SLC35F1: variants seen among roughly 807,000 people sequenced by gnomAD.
SLC35F1 encodes the protein chromosome 6 open reading frame 169.
In SLC35F1, 14 loss-of-function variants were observed where a neutral mutation model predicts 48.7. The observed-to-expected ratio is 0.29, with a 90% CI of 0.19 to 0.45. The LOEUF (loss-of-function observed/expected upper bound fraction) is 0.45. Among genes scored for constraint, SLC35F1 ranks in the 20% least tolerant of loss-of-function variants. The pLI is 1.00. For synonymous variants in SLC35F1, 190 were observed against 202.2 expected (o/e 0.94, Z 0.51); for missense variants, 404 against 500.0 (o/e 0.81, Z 1.83).
chr6:118,264,933 TACAATCCTACCTGCC>T (rs1335002402), intron 3 of SLC35F1, among the ~76,000 whole-genome samples: 1 of 152,238 alleles, frequency 6.6e-6, no homozygotes, highest in African/African-American at 2.4e-5. Flanking sequence ...TGTGCTGTAG[TACAATCCTACCTGCC>T]ACCACCTCCT....
At chr6:118,009,280 T>G (rs1582616633) in intron 1 of SLC35F1, among the ~76,000 whole-genome samples, 1 of 152,092 alleles carries the variant, frequency 6.6e-6, no homozygotes, top group Admixed American at 6.6e-5. Flanking sequence ...CTAAAGATGG[T>G]GGTACTCTTT....
chr6:118,297,827 G>A (rs1776211142), intron 7 of SLC35F1, among the ~76,000 whole-genome samples: 1 of 148,024 alleles, frequency 6.8e-6, no homozygotes, highest in African/African-American at 2.5e-5. Context: ...ATATGGTTTG[G>A]ATGTTTGTTC....
At chr6:118,280,869 CAA>C (rs1554244230) in intron 6 of SLC35F1, among the ~76,000 whole-genome samples, 1 of 125,194 alleles carries the variant, frequency 8.0e-6, no homozygotes. Flanking sequence ...GAGTCTGTCC[CAA>C]AAAAAAAAAA....
intron 2 of SLC35F1, among the ~76,000 whole-genome samples, chr6:118,205,587 G>T (rs1310437120): frequency 6.6e-6 from 1 of 152,096 alleles, no homozygotes; most frequent in Non-Finnish European, 1.5e-5. Flanking sequence ...TATGGAAAAT[G>T]GTTCCTCAAG....
At chr6:117,977,624 T>C (rs897082419) in intron 1 of SLC35F1, among the ~76,000 whole-genome samples, 2 of 152,170 alleles carry the variant, frequency 1.3e-5, no homozygotes, top group African/African-American at 2.4e-5. Context: ...TCTTCTAAAA[T>C]GAGCTCTTAA....
At chr6:118,128,676 G>A (rs1161088769) in intron 1 of SLC35F1, among the ~76,000 whole-genome samples, 4 of 151,938 alleles carry the variant, frequency 2.6e-5, no homozygotes, top group Admixed American at 1.3e-4. Flanking sequence ...TGGGAGGAGG[G>A]GGGAGGGATA....
At chr6:117,999,305 C>A in intron 1 of SLC35F1, 1 of 1,595,978 alleles carries the variant, frequency 6.3e-7, no homozygotes, top group Non-Finnish European at 8.5e-7. Flanking sequence ...TGCTCTTGCC[C>A]GTATTGCCAA....
intron 2 of SLC35F1, among the ~76,000 whole-genome samples, chr6:118,208,030 G>T (rs1042304859): frequency 5.3e-5 from 8 of 152,084 alleles, no homozygotes; most frequent in Non-Finnish European, 1.2e-4. Flanking sequence ...AAAAGAAAAT[G>T]GAAACATCAA....
intron 1 of SLC35F1, among the ~76,000 whole-genome samples, chr6:118,148,961 A>G (rs1390856044): frequency 1.3e-5 from 2 of 152,192 alleles, no homozygotes; most frequent in African/African-American, 4.8e-5. Flanking sequence ...TTCCAAATCT[A>G]AGACTTTGCC....
At chr6:117,975,769 G>A (rs1582595467) in intron 1 of SLC35F1, among the ~76,000 whole-genome samples, 1 of 152,070 alleles carries the variant, frequency 6.6e-6, no homozygotes, top group South Asian at 2.1e-4. Context: ...TTGTTCCTGC[G>A]CTAACAAGTT....
chr6:118,001,367 T>C (rs2114867569), intron 1 of SLC35F1, among the ~76,000 whole-genome samples: 1 of 152,282 alleles, frequency 6.6e-6, no homozygotes, highest in Non-Finnish European at 1.5e-5. Context: ...CCCCATTTAA[T>C]AAATGGTGCT....
chr6:118,212,850 A>G (rs1418132385), intron 2 of SLC35F1, among the ~76,000 whole-genome samples: 1 of 152,128 alleles, frequency 6.6e-6, no homozygotes. Flanking sequence ...TATTTAGGAC[A>G]ATAATTTATC....
At chr6:118,063,261 T>C (rs1361572361) in intron 1 of SLC35F1, among the ~76,000 whole-genome samples, 1 of 152,192 alleles carries the variant, frequency 6.6e-6, no homozygotes, top group Non-Finnish European at 1.5e-5. Flanking sequence ...CACTTCATTA[T>C]AGAGTTTTCT....
intron 1 of SLC35F1, among the ~76,000 whole-genome samples, chr6:118,011,221 C>T (rs754081354): frequency 3.3e-5 from 5 of 152,088 alleles, no homozygotes; most frequent in Non-Finnish European, 5.9e-5. Flanking sequence ...TCTCACACTG[C>T]TATAAAGAAC....
At chr6:117,934,857 A>G (rs1235228275) in intron 1 of SLC35F1, among the ~76,000 whole-genome samples, 1 of 152,192 alleles carries the variant, frequency 6.6e-6, no homozygotes, top group African/African-American at 2.4e-5. Flanking sequence ...CTGTCATCCC[A>G]GAACTTTGGG....
At chr6:118,288,993 C>T (rs556742642) in intron 7 of SLC35F1, among the ~76,000 whole-genome samples, 2 of 152,292 alleles carry the variant, frequency 1.3e-5, no homozygotes, top group South Asian at 2.1e-4. Flanking sequence ...CCCTTTATAA[C>T]CACACCTACT....
At chr6:118,174,828 T>TA (rs1384584900) in intron 2 of SLC35F1, among the ~76,000 whole-genome samples, 1 of 151,798 alleles carries the variant, frequency 6.6e-6, no homozygotes, top group Non-Finnish European at 1.5e-5. Flanking sequence ...AAAGGGAAAA[T>TA]ATACTTCTCT....
rs1776451789 is a variant in SLC35F1 at position 118,317,420 on chromosome 6, CTATT to C, written c.*3171_*3174del. The C allele has an allele frequency of 6.6e-6, 1 of 152,024 alleles. No individual in the cohort carries two copies. The highest frequency in any genetic ancestry group is 1.5e-5 in the Non-Finnish European group (1 of 68,024). 9.4% of individuals were successfully genotyped at this position (152,024 alleles called of 1,614,324 possible). A position where few individuals can be genotyped will look rare whatever the true frequency, so the allele number is the denominator to read the frequency against. The stretch of plus-strand genomic sequence containing the variant: ...TTTTGGGTTTCTTTTTGATTTATAA[CTATT>C]TAGTAGTCCCCAGCTAGCTACCAGT... On this transcript the variant is annotated 3_prime_UTR_variant, in exon 8 of 8. Transcript: ENST00000360388.
chr6:118,201,840 A>G (rs967196271), intron 2 of SLC35F1, among the ~76,000 whole-genome samples: 3 of 152,214 alleles, frequency 2.0e-5, no homozygotes, highest in Non-Finnish European at 4.4e-5. Context: ...TATTCTAGAT[A>G]TTAAATAGAA....
Sources: allele counts gnomAD v4.1 joint callset (sites outside exome capture counted in the v4.1 genomes callset), GRCh38; gene constraint gnomAD v4.1.1; transcripts MANE v1.5; gene names NCBI Gene and HGNC (gene_info 2026-07-23, HGNC 2026-07-21).